ACAD10: variants seen among roughly 807,000 people sequenced by gnomAD.
ACAD10 encodes acyl-CoA dehydrogenase family member 10, also known as ACAD-10.
In ACAD10, 112 loss-of-function variants were observed where a neutral mutation model predicts 116.8. That is an observed-to-expected ratio of 0.96 (90% CI 0.82 to 1.12). The LOEUF (loss-of-function observed/expected upper bound fraction) is 1.12. Among genes scored for constraint, ACAD10 ranks in the 50% most tolerant of loss-of-function variants. ACAD10 has a pLI of 0.00. For synonymous variants in ACAD10, 486 were observed against 510.6 expected, an observed-to-expected ratio of 0.95 and a Z score of 0.65; for missense variants, 1,259 against 1,350.2, an observed-to-expected ratio of 0.93 and a Z score of 1.06.
chr12:111,725,661 A>G (rs1889193110), intron 8 of ACAD10, among the ~76,000 whole-genome samples: 1 of 151,936 alleles, frequency 6.6e-6, no homozygotes, highest in African/African-American at 2.4e-5. Context: ...TAGCCTCCCA[A>G]GTAGCTGGGA....
chr12:111,747,635 A>C (rs1257801640), intron 16 of ACAD10: 2 of 1,310,256 alleles, frequency 1.5e-6, no homozygotes, highest in South Asian at 1.7e-5. Flanking sequence ...GCCTCCCTGC[A>C]CATGTGACCC....
chr12:111,711,994 C>A (rs938596281), intron 5 of ACAD10, among the ~76,000 whole-genome samples: 2 of 152,172 alleles, frequency 1.3e-5, no homozygotes, highest in Non-Finnish European at 2.9e-5. Flanking sequence ...CAGCATTTTA[C>A]AAGTTACTTC....
At chr12:111,753,393 G>A in intron 18 of ACAD10, 3 of 430,702 alleles carry the variant, frequency 7.0e-6, no homozygotes, top group Non-Finnish European at 1.4e-5. Flanking sequence ...TGCAGTGCCT[G>A]CAGTCACTCC....
intron 8 of ACAD10, among the ~76,000 whole-genome samples, chr12:111,722,672 G>A (rs988766805): frequency 2.0e-5 from 3 of 152,144 alleles, no homozygotes; most frequent in Non-Finnish European, 4.4e-5. Flanking sequence ...AGTGGACACA[G>A]CACATGTTTC....
At chr12:111,728,238 C>A in intron 9 of ACAD10, 95 bp downstream of exon 9, 1 of 1,271,222 alleles carries the variant, frequency 7.9e-7, no homozygotes, top group Non-Finnish European at 1.1e-6. Context: ...TGAGTATTAG[C>A]ACACCAAGCG....
intron 19 of ACAD10, among the ~76,000 whole-genome samples, chr12:111,754,307 C>T (rs1445632011): frequency 6.6e-6 from 1 of 152,170 alleles, no homozygotes; most frequent in Non-Finnish European, 1.5e-5. Context: ...TTCACTAAGG[C>T]TCTTTTTAAC....
chr12:111,745,322 C>G (rs1889861567), intron 13 of ACAD10: 1 of 488,050 alleles, frequency 2.0e-6, no homozygotes, highest in African/African-American at 1.9e-5. Context: ...TTAGGCCTAT[C>G]TGATGGGTAT....
intron 9 of ACAD10, among the ~76,000 whole-genome samples, chr12:111,728,437 C>G (rs1458970634): frequency 6.6e-6 from 1 of 151,452 alleles, no homozygotes; most frequent in Non-Finnish European, 1.5e-5. Context: ...CAACTTTTAT[C>G]TCACTAGACC....
At chr12:111,751,459 G>A (rs1390516961) in intron 18 of ACAD10, among the ~76,000 whole-genome samples, 2 of 152,156 alleles carry the variant, frequency 1.3e-5, no homozygotes, top group South Asian at 2.1e-4. Flanking sequence ...GGCTGGGCGC[G>A]GTGGCTAACG....
chr12:111,696,164 C>T (rs1189666566), intron 2 of ACAD10, among the ~76,000 whole-genome samples: 3 of 151,738 alleles, frequency 2.0e-5, no homozygotes, highest in African/African-American at 7.3e-5. Context: ...TGGGCTCAAG[C>T]AATCCTGCCT....
intron 2 of ACAD10, among the ~76,000 whole-genome samples, chr12:111,697,924 A>T (rs1888235751): frequency 6.8e-6 from 1 of 147,774 alleles, no homozygotes; most frequent in Admixed American, 6.7e-5. Context: ...GCCTGATTGC[A>T]ACTGAGGTTG....
At chr12:111,695,251 C>T (rs1487936147) in intron 2 of ACAD10, among the ~76,000 whole-genome samples, 2 of 152,164 alleles carry the variant, frequency 1.3e-5, no homozygotes, top group African/African-American at 4.8e-5. Context: ...GTGTTTCCTC[C>T]CTGCCTCCTC....
chr12:111,741,673 A>G (rs1424020363), intron 12 of ACAD10, among the ~76,000 whole-genome samples: 1 of 152,230 alleles, frequency 6.6e-6, no homozygotes, highest in Non-Finnish European at 1.5e-5. Context: ...CTCATGTAAA[A>G]ACAACAAAAT....
chr12:111,722,586 TCTTAACGAGCATG>T (rs1889048123), intron 8 of ACAD10, among the ~76,000 whole-genome samples: 1 of 151,682 alleles, frequency 6.6e-6, no homozygotes, highest in African/African-American at 2.4e-5. Flanking sequence ...TGGTGATGAC[TCTTAACGAGCATG>T]CTGCCTTCAA....
At position 111,733,913 on chromosome 12, in the gene ACAD10, G is replaced by A. The variant is rs764522415; in HGVS notation, c.1395-10G>A. 21 of 1,614,052 alleles carry A rather than the reference G, an allele frequency of 1.3e-5. No homozygotes were observed. The highest frequency in any genetic ancestry group is 1.8e-5 in the Non-Finnish European group (21 of 1,180,038). On this transcript the variant is annotated splice_polypyrimidine_tract_variant and intron_variant, in intron 10 of 20. Transcript: ENST00000313698. ...TTAGTGCTGTCTCTATTCCTCCTGC[G>A]ACTTTTCAGGCTCGACAACCTGGTG...
chr12:111,755,327 A>G (rs1434404702), intron 19 of ACAD10, among the ~76,000 whole-genome samples: 1 of 152,106 alleles, frequency 6.6e-6, no homozygotes, highest in Non-Finnish European at 1.5e-5. Flanking sequence ...GTTGGTCTCA[A>G]ACTCCTGACC....
chr12:111,734,335 A>G (rs1171703882), intron 11 of ACAD10, among the ~76,000 whole-genome samples: 3 of 152,360 alleles, frequency 2.0e-5, no homozygotes, highest in South Asian at 4.1e-4. Flanking sequence ...AATTAAAAAC[A>G]CATTCATTGT....
chr12:111,694,131 A>G (rs1008627278), intron 2 of ACAD10, among the ~76,000 whole-genome samples: 4 of 152,088 alleles, frequency 2.6e-5, no homozygotes, highest in Non-Finnish European at 5.9e-5. Context: ...CAGGTTTTCT[A>G]TGCCTGCGTG....
At chr12:111,708,827 G>A (rs1888586295) in intron 4 of ACAD10, among the ~76,000 whole-genome samples, 1 of 152,056 alleles carries the variant, frequency 6.6e-6, no homozygotes. Flanking sequence ...AGGCTTTCCC[G>A]TGTTCTCCTG....
Sources: allele counts gnomAD v4.1 joint callset (sites outside exome capture counted in the v4.1 genomes callset), GRCh38; gene constraint gnomAD v4.1.1; transcripts MANE v1.5; gene names NCBI Gene and HGNC (gene_info 2026-07-23, HGNC 2026-07-21).